The following DGKD variants were observed in gnomAD, a reference collection of about 807,000 sequenced individuals.
DGKD encodes the protein DAG kinase delta.
In DGKD, 68 loss-of-function variants were observed where a neutral mutation model predicts 154.4. The observed-to-expected ratio is 0.44, with a 90% confidence interval of 0.36 to 0.54. The LOEUF (loss-of-function observed/expected upper bound fraction) is 0.54, where lower values mean the gene tolerates loss of function less well. Among genes scored for constraint, DGKD ranks in the 20% least tolerant of loss-of-function variants. DGKD has a pLI of 0.00. For synonymous variants in DGKD, 693 were observed against 638.0 expected (o/e 1.09, Z -1.30); for missense variants, 1,343 against 1,593.6 (o/e 0.84, Z 2.68).
Position 233,449,899 on chromosome 2 carries a change from A to T in DGKD, c.1889-83A>T. ...TTGAGGAAGATCAGGCCGTGGGGTG[A>T]GGATGAGGGGCCCTCCACCCAGCCT... is the stretch of plus-strand genomic sequence containing the variant. On this transcript the variant is annotated intron_variant, in intron 15 of 29. Transcript: ENST00000264057. The surrounding 1 kb of genome is among the most constrained non-coding windows in gnomAD (Gnocchi z 5.3). 1 of 1,463,202 alleles carries T rather than the reference A, an allele frequency of 6.8e-7. No homozygotes were observed. The highest frequency in any genetic ancestry group is 1.4e-5 in the South Asian group (1 of 71,908). The allele number at this position is 1,463,202 out of a possible 1,614,324, so 90.6% of individuals were successfully genotyped here.
chr2:233,417,196 C>T (rs1031765462), intron 3 of DGKD, among the ~76,000 whole-genome samples: 4 of 152,100 alleles, frequency 2.6e-5, no homozygotes, highest in Non-Finnish European at 4.4e-5. Context: ...CCACGCCTGG[C>T]TAATTTTTGT....
intron 1 of DGKD, chr2:233,385,999 G>A: frequency 2.2e-6 from 1 of 463,970 alleles, no homozygotes; most frequent in South Asian, 1.6e-5. Context: ...GTGTGCGTGT[G>A]TGTGCGTGTG....
At chr2:233,373,115 G>A (rs1282886794) in intron 1 of DGKD, among the ~76,000 whole-genome samples, 1 of 152,148 alleles carries the variant, frequency 6.6e-6, no homozygotes, top group Non-Finnish European at 1.5e-5. Context: ...GCTGCACCAG[G>A]TCACAAAGCT....
rs1232837150 is a variant in DGKD, at chr2:233,449,803, C to G, written c.1889-179C>G. Reference sequence around the variant, plus strand: ...AGCCTGTTAGCAGGGACGCCCTGCCCCAGTGCCAGGACCAGGGGGAAGATG... The same window carrying G: ...AGCCTGTTAGCAGGGACGCCCTGCCGCAGTGCCAGGACCAGGGGGAAGATG... On this transcript the variant is annotated intron_variant, in intron 15 of 29. Coordinates refer to ENST00000264057, the MANE Select transcript of DGKD (RefSeq NM_152879.3). The surrounding 1 kb of genome is among the most constrained non-coding windows in gnomAD (Gnocchi z 5.3). Among the ~76,000 whole-genome samples, 1 of 152,148 alleles carries G rather than the reference C, an allele frequency of 6.6e-6. No homozygotes were observed. The highest frequency in any genetic ancestry group is 1.5e-5 in the Non-Finnish European group (1 of 68,008).
intron 3 of DGKD, among the ~76,000 whole-genome samples, chr2:233,405,517 T>TAA (rs1185414508): frequency 7.9e-6 from 1 of 127,038 alleles, no homozygotes; most frequent in Non-Finnish European, 1.7e-5. Flanking sequence ...AAACTCTGTC[T>TAA]AAAAAAAAAA....
intron 10 of DGKD, 100 bp downstream of exon 10, chr2:233,442,095 C>A: frequency 9.1e-7 from 1 of 1,095,980 alleles, no homozygotes; most frequent in South Asian, 1.3e-5. Flanking sequence ...AGCACCTGTT[C>A]TCAGGCCAGA....
At chr2:233,463,958 A>G (rs1168198466) in intron 26 of DGKD, 3 of 607,014 alleles carry the variant, frequency 4.9e-6, no homozygotes, top group Non-Finnish European at 8.5e-6. Context: ...TGACTGATGG[A>G]CAGTTTTATT....
At position 233,462,229 on chromosome 2, in the gene DGKD, C is replaced by T; in HGVS notation, c.2982-119C>T. On this transcript the variant is annotated intron_variant, in intron 24 of 29. Transcript: ENST00000264057. ...CTGAGCCACGATCCCTGTCGTCCTGCTGGGCCTGCCCTCCACATCAGCCCT... is the reference window on the plus strand; with the variant it reads ...CTGAGCCACGATCCCTGTCGTCCTGTTGGGCCTGCCCTCCACATCAGCCCT... 2.7e-6 allele frequency: 2 copies of T among 741,282 alleles called. 1 individual carries two copies. Among genetic ancestry groups the T allele is most frequent in the South Asian group, 3.7e-5 (2 of 54,128 alleles). The allele number at this position is 741,282 out of a possible 1,614,324, so 45.9% of individuals were successfully genotyped here.
intron 3 of DGKD, among the ~76,000 whole-genome samples, chr2:233,417,855 C>T (rs73995945): frequency 0.032 from 4,848 of 152,170 alleles, 226 homozygotes; most frequent in African/African-American, 0.11. Context: ...AGCAGGGGTA[C>T]GTGCTGCTGA....
intron 1 of DGKD, among the ~76,000 whole-genome samples, chr2:233,381,969 C>A (rs1322100058): frequency 1.3e-5 from 2 of 152,202 alleles, no homozygotes; most frequent in Non-Finnish European, 2.9e-5. Flanking sequence ...TGCGGTGGCT[C>A]ACGCCTGTGA....
chr2:233,437,609 G>A (rs906007684), intron 8 of DGKD, 130 bp downstream of exon 8: 1 of 915,386 alleles, frequency 1.1e-6, no homozygotes, highest in Non-Finnish European at 1.7e-6. Flanking sequence ...ACAGCTGTTG[G>A]GGGTGCTGGA....
intron 17 of DGKD, among the ~76,000 whole-genome samples, chr2:233,451,286 C>T (rs903298762): frequency 2.0e-5 from 3 of 148,734 alleles, no homozygotes; most frequent in Non-Finnish European, 3.0e-5. Flanking sequence ...GCCCAGGAGG[C>T]GCCATTGAGG....
At chr2:233,433,291 A>G (rs2062588797) in intron 3 of DGKD, among the ~76,000 whole-genome samples, 1 of 152,174 alleles carries the variant, frequency 6.6e-6, no homozygotes, top group Non-Finnish European at 1.5e-5. Context: ...TTGCCACAAC[A>G]TGGATGGAAC....
chr2:233,388,636 T>TA (rs1261218269), intron 2 of DGKD: 8 of 289,844 alleles, frequency 2.8e-5, no homozygotes, highest in Non-Finnish European at 5.1e-5. Flanking sequence ...ACAGCCGCGT[T>TA]ACAGCTGGAT....
At position 233,411,355 on chromosome 2, in the gene DGKD, G is replaced by C. The variant is rs540234560; in HGVS notation, c.348+20872G>C. Among the ~76,000 whole-genome samples, 299 of 152,128 alleles carry C rather than the reference G, an allele frequency of 2.0e-3. 1 individual carries two copies. The highest frequency in any genetic ancestry group is 2.2e-3 in the Non-Finnish European group (149 of 67,994). ...TGCTCCACATCCTCACCAACACTTG[G>C]TGTGATCAGTCTTTTTAATTTTATG... On this transcript the variant is annotated intron_variant, in intron 3 of 29. Coordinates refer to ENST00000264057, the MANE Select transcript of DGKD (RefSeq NM_152879.3).
At chr2:233,461,225 T>TC (rs1030937150) in intron 24 of DGKD, among the ~76,000 whole-genome samples, 8 of 152,182 alleles carry the variant, frequency 5.3e-5, no homozygotes, top group African/African-American at 1.7e-4. Flanking sequence ...GCCTGCATTC[T>TC]CCCCCCGTGG....
intron 3 of DGKD, among the ~76,000 whole-genome samples, chr2:233,401,352 T>C (rs541722933): frequency 1.3e-5 from 2 of 152,372 alleles, no homozygotes; most frequent in South Asian, 4.1e-4. Context: ...TCATTTATTA[T>C]ATCATTTGGT....
intron 1 of DGKD, among the ~76,000 whole-genome samples, chr2:233,369,219 C>G (rs1222371496): frequency 6.6e-6 from 1 of 152,184 alleles, no homozygotes; most frequent in Admixed American, 6.5e-5. Context: ...CAGTATTTTT[C>G]CCTGTCCACT....
intron 3 of DGKD, among the ~76,000 whole-genome samples, chr2:233,419,900 G>A (rs781257611): frequency 2.0e-5 from 3 of 152,080 alleles, no homozygotes; most frequent in Non-Finnish European, 4.4e-5. Context: ...GGGAGGGAAG[G>A]TGTTTTTGCT....
Sources: gnomAD v4.1 joint callset for allele counts (sites outside exome capture counted in the v4.1 genomes callset) on GRCh38, gnomAD v4.1.1 for gene constraint, Gnocchi (gnomAD v3.1) non-coding constraint, MANE v1.5 for transcripts, NCBI Gene and HGNC (gene_info 2026-07-23, HGNC 2026-07-21) for gene names.